The following AGBL1 variants were observed in gnomAD, a reference collection of about 807,000 sequenced individuals.
AGBL1 encodes the protein AGBL carboxypeptidase 1.
A neutral mutation model predicts 118.9 loss-of-function variants in AGBL1; 130 were observed. That is an observed-to-expected ratio of 1.09 (90% confidence interval 0.95 to 1.26). AGBL1 has a LOEUF of 1.26. AGBL1 is among the 50% of genes most tolerant of loss of function. The pLI is 0.00. For synonymous variants in AGBL1, 555 were observed against 478.9 expected, an observed-to-expected ratio of 1.16 and a Z score of -2.08; for missense variants, 1,584 against 1,298.1, an observed-to-expected ratio of 1.22 and a Z score of -3.38.
In AGBL1 at chr15:86,237,878, G is replaced by A. The variant is rs902610584; in HGVS notation, c.527-9793G>A. 1.2e-4 allele frequency among the ~76,000 whole-genome samples: 19 copies of A among 152,214 alleles called. 1 individual carries two copies. Among genetic ancestry groups the A allele is most frequent in the East Asian group, 9.7e-4 (5 of 5,178 alleles). ...ATCCTGATCCCTGCTCACCTTTCCC[G>A]TCATCTGCTACTACTGTCCCCTTGC... On this transcript the variant is annotated intron_variant, in intron 6 of 22. Transcript: ENST00000614907.
At chr15:86,830,311 TTCTAA>T (rs567088938) in intron 22 of AGBL1, among the ~76,000 whole-genome samples, 4 of 152,274 alleles carry the variant, frequency 2.6e-5, no homozygotes, top group East Asian at 3.9e-4. Flanking sequence ...AGAGGTTAAC[TTCTAA>T]TCTAACTTCT....
intron 21 of AGBL1, among the ~76,000 whole-genome samples, chr15:86,636,825 A>T (rs1340809557): frequency 6.9e-6 from 1 of 144,780 alleles, no homozygotes; most frequent in African/African-American, 2.5e-5. Flanking sequence ...ACACTGTGAC[A>T]TCACCTATGA....
intron 22 of AGBL1, among the ~76,000 whole-genome samples, chr15:86,769,176 G>GAGAGAGAGGGA (rs1555448306): frequency 1.5e-5 from 1 of 66,618 alleles, no homozygotes; most frequent in African/African-American, 1.1e-4. Context: ...ATTTTGAGAG[G>GAGAGAGAGGGA]GAGAGAGAGA....
chr15:86,581,352 C>T (rs2084169663), intron 21 of AGBL1, among the ~76,000 whole-genome samples: 1 of 152,120 alleles, frequency 6.6e-6, no homozygotes, highest in Non-Finnish European at 1.5e-5. Context: ...TCCCTTCTTA[C>T]TTTCCCCTCC....
rs73447667 is a variant in AGBL1, at chr15:86,232,131, T to C, written c.526+7180T>C. On this transcript the variant is annotated intron_variant, in intron 6 of 22. Coordinates refer to ENST00000614907, the MANE Select transcript of AGBL1 (RefSeq NM_001386094.1). Reference sequence around the variant, plus strand: ...GTGTTCAACTTGGCACATGGCTTTTTTTCCTGGGCTCCAAATTCAGTCCTC... The same window carrying C: ...GTGTTCAACTTGGCACATGGCTTTTCTTCCTGGGCTCCAAATTCAGTCCTC... Among the ~76,000 whole-genome samples, 799 of 152,316 alleles carry C rather than the reference T, an allele frequency of 5.2e-3. 10 individuals carry two copies. The highest frequency in any genetic ancestry group is 0.018 in the African/African-American group (767 of 41,568).
intron 22 of AGBL1, among the ~76,000 whole-genome samples, chr15:86,859,432 C>T (rs945234780): frequency 1.3e-5 from 2 of 152,174 alleles, no homozygotes; most frequent in African/African-American, 4.8e-5. Context: ...AGAATGTTGT[C>T]ATCATATAGA....
intron 1 of AGBL1, among the ~76,000 whole-genome samples, chr15:86,113,253 T>TTTTC (rs1322722493): frequency 1.4e-4 from 10 of 73,594 alleles, no homozygotes; most frequent in South Asian, 8.1e-4. Flanking sequence ...TTTTCTTTTC[T>TTTTC]TTTCTTTCTT....
chr15:86,268,065 G>A (rs544430772), intron 13 of AGBL1, among the ~76,000 whole-genome samples: 2 of 152,298 alleles, frequency 1.3e-5, no homozygotes, highest in East Asian at 1.9e-4. Context: ...AGTACCTGGC[G>A]CATGGTCAGC....
chr15:86,976,498 A>G (rs2081177768), intron 23 of AGBL1, among the ~76,000 whole-genome samples: 1 of 152,040 alleles, frequency 6.6e-6, no homozygotes, highest in Non-Finnish European at 1.5e-5. Flanking sequence ...TTTATTATAA[A>G]CACGCTAGAA....
intron 17 of AGBL1, among the ~76,000 whole-genome samples, chr15:86,335,353 T>A (rs1595983299): frequency 6.6e-6 from 1 of 152,250 alleles, no homozygotes; most frequent in East Asian, 1.9e-4. Context: ...TTGGCCAGGA[T>A]GGTCTCGATC....
intron 22 of AGBL1, among the ~76,000 whole-genome samples, chr15:86,746,469 A>G (rs1199963589): frequency 6.6e-6 from 1 of 151,994 alleles, no homozygotes; most frequent in East Asian, 1.9e-4. Flanking sequence ...GGTTCAGAAC[A>G]TACCTTGCAC....
At chr15:86,416,665 G>A (rs1286183409) in intron 18 of AGBL1, among the ~76,000 whole-genome samples, 2 of 152,162 alleles carry the variant, frequency 1.3e-5, no homozygotes. Context: ...TGGCCACTGA[G>A]AGACTCAGCC....
intron 24 of AGBL1, among the ~76,000 whole-genome samples, chr15:87,027,721 T>C (rs915995483): frequency 2.0e-5 from 3 of 152,006 alleles, no homozygotes; most frequent in Non-Finnish European, 4.4e-5. Flanking sequence ...AAGGAGATTA[T>C]GTCATTTGCA....
chr15:86,421,265 C>T (rs1281325231), intron 18 of AGBL1, among the ~76,000 whole-genome samples: 1 of 152,142 alleles, frequency 6.6e-6, no homozygotes, highest in Non-Finnish European at 1.5e-5. Context: ...GCATATCTCT[C>T]TATGGAAACC....
chr15:86,656,559 C>T (rs775985494), intron 21 of AGBL1, among the ~76,000 whole-genome samples: 1 of 152,144 alleles, frequency 6.6e-6, no homozygotes, highest in Non-Finnish European at 1.5e-5. Flanking sequence ...TTTGGTAGTG[C>T]ACTCCTAAGT....
intron 5 of AGBL1, among the ~76,000 whole-genome samples, chr15:86,223,662 A>G (rs2141925926): frequency 6.6e-6 from 1 of 152,218 alleles, no homozygotes; most frequent in Admixed American, 6.5e-5. Flanking sequence ...CCCTATGGTC[A>G]TTTTGGTCTC....
chr15:86,470,696 C>T (rs541625500), intron 18 of AGBL1, among the ~76,000 whole-genome samples: 12 of 151,974 alleles, frequency 7.9e-5, no homozygotes, highest in Middle Eastern at 3.4e-3. Flanking sequence ...TTATTTGTGT[C>T]GTCTTAAATT....
At chr15:86,785,133 T>C (rs1325041682) in intron 22 of AGBL1, among the ~76,000 whole-genome samples, 1 of 152,032 alleles carries the variant, frequency 6.6e-6, no homozygotes. Context: ...TTTCCATCCC[T>C]GAAGCTAAGG....
At chr15:86,792,443 A>G (rs530207989) in intron 22 of AGBL1, among the ~76,000 whole-genome samples, 1 of 152,236 alleles carries the variant, frequency 6.6e-6, no homozygotes, top group Non-Finnish European at 1.5e-5. Context: ...AGGAATGAAC[A>G]TGGTCTGTTT....
Sources: gnomAD v4.1 joint callset for allele counts (sites outside exome capture counted in the v4.1 genomes callset) on GRCh38, gnomAD v4.1.1 for gene constraint, MANE v1.5 for transcripts, NCBI Gene and HGNC (gene_info 2026-07-23, HGNC 2026-07-21) for gene names.